RUFY3: variants seen among roughly 807,000 people sequenced by gnomAD.
RUFY3 encodes the protein RUN and FYVE domain containing 3.
Under a neutral mutation model 84.0 loss-of-function variants are expected in RUFY3, and 34 were observed. That is an observed-to-expected ratio of 0.40 (90% CI 0.31 to 0.54). RUFY3 has a LOEUF of 0.54. Among genes scored for constraint, RUFY3 ranks in the 20% least tolerant of loss-of-function variants. The pLI, the probability that RUFY3 is intolerant of heterozygous loss-of-function variation, is 0.39. For synonymous variants in RUFY3, 242 were observed against 252.9 expected, an observed-to-expected ratio of 0.96 and a Z score of 0.41; for missense variants, 507 against 736.8, an observed-to-expected ratio of 0.69 and a Z score of 3.61.
At chr4:70,773,719 T>TA (rs1727371296) in intron 6 of RUFY3, 147 bp downstream of exon 6, 2 of 591,808 alleles carry the variant, frequency 3.4e-6, no homozygotes. Flanking sequence ...TTGCCAGAAA[T>TA]ATCTGACTAT....
intron 6 of RUFY3, among the ~76,000 whole-genome samples, chr4:70,774,671 A>ATATATATATAT: frequency 7.6e-6 from 1 of 131,812 alleles, no homozygotes; most frequent in Non-Finnish European, 1.6e-5. Flanking sequence ...ATATATATAT[A>ATATATATATAT]AAATAAACAT....
chr4:70,768,426 T>C (rs563474029), intron 4 of RUFY3, 112 bp from the exon 5 acceptor site: 27 of 872,912 alleles, frequency 3.1e-5, no homozygotes, highest in Non-Finnish European at 4.4e-5. Context: ...TGTAGATGGC[T>C]ATAATCAACC....
chr4:70,769,678 A>G (rs557847523), intron 5 of RUFY3, among the ~76,000 whole-genome samples: 4 of 152,340 alleles, frequency 2.6e-5, no homozygotes, highest in Middle Eastern at 3.4e-3. Flanking sequence ...TTTTACCCAC[A>G]GTAGAATTTC....
At chr4:70,720,828 A>G (rs1742184783), upstream of RUFY3, among the ~76,000 whole-genome samples, 1 of 152,076 alleles carries the variant, frequency 6.6e-6, no homozygotes, top group African/African-American at 2.4e-5. Context: ...TGTAGTTCAT[A>G]AAGCAAGTAC....
chr4:70,769,382 A>C (rs562595120), intron 5 of RUFY3, among the ~76,000 whole-genome samples: 2 of 152,218 alleles, frequency 1.3e-5, no homozygotes, highest in Non-Finnish European at 2.9e-5. Flanking sequence ...GTAGTCTATT[A>C]AGTATGTGAT....
At chr4:70,788,771 C>G in intron 10 of RUFY3, 35 bp from the exon 11 acceptor site, 2 of 1,607,310 alleles carry the variant, frequency 1.2e-6, no homozygotes, top group Non-Finnish European at 1.7e-6. Flanking sequence ...GTTGAAGGAA[C>G]AGAGTGTAAG....
intron 5 of RUFY3, among the ~76,000 whole-genome samples, chr4:70,769,299 G>A (rs1158993512): frequency 2.6e-5 from 4 of 152,140 alleles, no homozygotes; most frequent in Non-Finnish European, 4.4e-5. Flanking sequence ...CAGCCTGGGT[G>A]ACAGTGAGAC....
chr4:70,800,188 C>A lies in RUFY3; in HGVS notation c.1605C>A (p.Pro535=). ...AGGAAAATGTTAAACTAAAAAAGCC[C>A]CTGGAAGAAAGCCACAGGTGTTTGT... The part of the protein sequence containing the change: ...MQEENVKLKK[P]LEESHRLQPH... The change falls in exon 15 of 18, where the codon CCC becomes CCA. Residue 535 remains proline, a synonymous_variant. Transcript: ENST00000381006. The A allele has an allele frequency of 6.2e-7, 1 of 1,604,188 alleles. No individual in the cohort carries two copies. The highest frequency in any genetic ancestry group is 8.5e-7 in the Non-Finnish European group (1 of 1,177,252).
intron 1 of RUFY3, among the ~76,000 whole-genome samples, chr4:70,760,635 T>TATTTATAA (rs1296351266): frequency 1.3e-5 from 2 of 152,170 alleles, no homozygotes; most frequent in Admixed American, 1.3e-4. Context: ...AATTAATATC[T>TATTTATAA]GATAGTTTTC....
At chr4:70,751,292 A>G (rs2148672684) in intron 1 of RUFY3, among the ~76,000 whole-genome samples, 1 of 152,258 alleles carries the variant, frequency 6.6e-6, no homozygotes, top group African/African-American at 2.4e-5. Context: ...CATATTGAAA[A>G]TGTTGAATTG....
intron 1 of RUFY3, among the ~76,000 whole-genome samples, chr4:70,738,338 T>C (rs1181047027): frequency 6.7e-6 from 1 of 149,988 alleles, no homozygotes; most frequent in African/African-American, 2.5e-5. Flanking sequence ...TCAAGGGCAT[T>C]GTCTATGGGT....
At chr4:70,784,642 T>A (rs915773196) in intron 9 of RUFY3, among the ~76,000 whole-genome samples, 154 bp from the exon 10 acceptor site, 22 of 152,242 alleles carry the variant, frequency 1.4e-4, no homozygotes, top group African/African-American at 5.1e-4. Context: ...GCTTAACCTT[T>A]AAAAATGTAC....
At chr4:70,705,072 C>T in exon 1 of RUFY3, 1 of 1,294,112 alleles carries the variant, frequency 7.7e-7, no homozygotes, top group Admixed American at 4.1e-5. Flanking sequence ...CGAGGCGGGG[C>T]CGCCGCCGGC....
chr4:70,772,722 G>A (rs1727174632), intron 5 of RUFY3, among the ~76,000 whole-genome samples: 1 of 151,594 alleles, frequency 6.6e-6, no homozygotes, highest in Non-Finnish European at 1.5e-5. Flanking sequence ...GTGCAATGGT[G>A]AGATCCTGGC....
In RUFY3 at chr4:70,808,221, C is replaced by CAGTT; in HGVS notation, c.*1563_*1566dup. 6.6e-6 allele frequency among the ~76,000 whole-genome samples: 1 copy of CAGTT among 152,038 alleles called. No homozygotes were observed. Among genetic ancestry groups the CAGTT allele is most frequent in the East Asian group, 1.9e-4 (1 of 5,158 alleles). Reference sequence around the variant, plus strand: ...TCTTTTTCTGAATATTTTTGATTGGCAGTTGGTTGAAGCCATGGATGCAGA... The same window carrying CAGTT: ...TCTTTTTCTGAATATTTTTGATTGGCAGTTAGTTGGTTGAAGCCATGGATGCAGA... On this transcript the variant is annotated 3_prime_UTR_variant, in exon 18 of 18. Transcript: ENST00000381006.
chr4:70,774,670 T>TATATATAAAA (rs766227141), intron 6 of RUFY3, among the ~76,000 whole-genome samples: 2 of 81,078 alleles, frequency 2.5e-5, no homozygotes, highest in African/African-American at 1.0e-4. Flanking sequence ...TATATATATA[T>TATATATAAAA]AAAATAAACA....
intron 1 of RUFY3, among the ~76,000 whole-genome samples, chr4:70,727,417 G>A (rs1470749881): frequency 1.4e-5 from 2 of 144,062 alleles, no homozygotes; most frequent in Non-Finnish European, 3.0e-5. Context: ...GTGCAGTGGC[G>A]AGTTCCCAGC....
intron 1 of RUFY3, among the ~76,000 whole-genome samples, chr4:70,762,256 A>G (rs1246848104): frequency 1.3e-5 from 2 of 152,204 alleles, no homozygotes; most frequent in Non-Finnish European, 2.9e-5. Context: ...TTGAGGCTAC[A>G]GTGAGCTATG....
At chr4:70,764,392 G>A in intron 3 of RUFY3, 83 bp from the exon 4 acceptor site, 2 of 917,544 alleles carry the variant, frequency 2.2e-6, no homozygotes, top group Admixed American at 2.0e-5. Context: ...AATACCATTA[G>A]CAAGAATAAG....
Sources: allele counts gnomAD v4.1 joint callset (sites outside exome capture counted in the v4.1 genomes callset), GRCh38; gene constraint gnomAD v4.1.1; transcripts MANE v1.5; gene names NCBI Gene and HGNC (gene_info 2026-07-23, HGNC 2026-07-21).